The following OR56B2 variants were observed in gnomAD, a reference collection of about 807,000 sequenced individuals.
The protein encoded by OR56B2 is olfactory receptor 56B2.
At chr11:5,763,729 TTGAG>T in the OR56B2 span, among the ~76,000 whole-genome samples, 2 of 140,520 alleles carry the variant, frequency 1.4e-5, no homozygotes, top group Non-Finnish European at 3.1e-5. Context: ...ATAATATAAA[TTGAG>T]TGCTTATTAA....
the OR56B2 span, among the ~76,000 whole-genome samples, chr11:5,764,320 T>C: frequency 1.2e-4 from 17 of 141,264 alleles, 3 homozygotes; most frequent in African/African-American, 4.4e-4. Flanking sequence ...TGCATGTGCG[T>C]GCATGTTTTT....
At chr11:5,763,155 A>G in the OR56B2 span, among the ~76,000 whole-genome samples, 1 of 152,212 alleles carries the variant, frequency 6.6e-6, no homozygotes, top group Admixed American at 6.5e-5. Context: ...ATGTTTACAG[A>G]TGCATATGAA....
the OR56B2 span, among the ~76,000 whole-genome samples, chr11:5,768,456 T>A: frequency 7.1e-5 from 10 of 140,316 alleles, 1 homozygote; most frequent in Non-Finnish European, 1.1e-4. Flanking sequence ...ACATTTTTTT[T>A]ATCCAGTCAT....
the OR56B2 span, chr11:5,765,073 A>G: frequency 1.4e-5 from 2 of 141,988 alleles, 1 homozygote; most frequent in Admixed American, 1.5e-4. Flanking sequence ...TATTAGAAAT[A>G]CTAATATCAA....
At chr11:5,768,935 G>T in the OR56B2 span, among the ~76,000 whole-genome samples, 1 of 138,392 alleles carries the variant, frequency 7.2e-6, no homozygotes, top group Non-Finnish European at 1.6e-5. Context: ...AGTATATATA[G>T]AAATTGTATA....
At chr11:5,763,147 G>A in the OR56B2 span, among the ~76,000 whole-genome samples, 1 of 151,920 alleles carries the variant, frequency 6.6e-6, no homozygotes, top group East Asian at 1.9e-4. Context: ...GAATCAGTAT[G>A]TTTACAGATG....
At chr11:5,768,236 C>A in the OR56B2 span, among the ~76,000 whole-genome samples, 1 of 137,552 alleles carries the variant, frequency 7.3e-6, no homozygotes, top group East Asian at 2.1e-4. Flanking sequence ...GCCCATCCCC[C>A]AAATCTCCAA....
the OR56B2 span, among the ~76,000 whole-genome samples, chr11:5,768,954 A>G: frequency 7.2e-6 from 1 of 139,492 alleles, no homozygotes; most frequent in Non-Finnish European, 1.6e-5. Context: ...TATAAAAGAA[A>G]AAGTATCAGA....
chr11:5,764,623 A>G, the OR56B2 span, among the ~76,000 whole-genome samples: 2 of 140,182 alleles, frequency 1.4e-5, 1 homozygote, highest in South Asian at 4.6e-4. Context: ...ACGTGAACAA[A>G]AAATAGTTCA....
At chr11:5,764,340 G>A in the OR56B2 span, among the ~76,000 whole-genome samples, 4 of 140,484 alleles carry the variant, frequency 2.8e-5, no homozygotes, top group African/African-American at 5.2e-5. Context: ...TAACTTCTAC[G>A]CCAGTCATCA....
chr11:5,764,515 A>C, the OR56B2 span, among the ~76,000 whole-genome samples: 7 of 141,276 alleles, frequency 5.0e-5, 1 homozygote, highest in African/African-American at 1.8e-4. Context: ...GAATGCTTAC[A>C]CATCAATTAC....
chr11:5,766,555 C>CA, the OR56B2 span: 1 of 138,990 alleles, frequency 7.2e-6, no homozygotes, highest in Non-Finnish European at 1.6e-5. Context: ...TGCAAATGTC[C>CA]AAAAAATACA....
chr11:5,767,302 A>G, the OR56B2 span: 4 of 139,024 alleles, frequency 2.9e-5, 1 homozygote, highest in African/African-American at 1.1e-4. Context: ...CAAGTCATTC[A>G]TGAGGAATCC....
the OR56B2 span, among the ~76,000 whole-genome samples, chr11:5,763,531 C>T: frequency 1.4e-5 from 2 of 139,846 alleles, 1 homozygote; most frequent in Non-Finnish European, 3.2e-5. Flanking sequence ...CCAGGATGGT[C>T]TCAATCTCTT....
At chr11:5,768,279 TA>T in the OR56B2 span, among the ~76,000 whole-genome samples, 10,650 of 139,440 alleles carry the variant, frequency 0.076, 2,123 homozygotes, top group African/African-American at 0.1. Flanking sequence ...TGCCTATGTG[TA>T]CACATTAGGT....
chr11:5,766,848 A>C, the OR56B2 span: 4 of 140,120 alleles, frequency 2.9e-5, 1 homozygote, highest in African/African-American at 1.0e-4. Flanking sequence ...CAGTGCCATT[A>C]ACATATGACC....
the OR56B2 span, chr11:5,761,188 C>G: frequency 6.6e-6 from 1 of 152,156 alleles, no homozygotes; most frequent in South Asian, 2.1e-4. Context: ...TAAACCAGCT[C>G]TGGGTATACT....
the OR56B2 span, among the ~76,000 whole-genome samples, chr11:5,763,970 TAA>T: frequency 1.4e-5 from 2 of 140,694 alleles, 1 homozygote; most frequent in Non-Finnish European, 3.1e-5. Flanking sequence ...ACAAGTAGTA[TAA>T]GATGTTATTA....
the OR56B2 span, among the ~76,000 whole-genome samples, chr11:5,763,724 A>G: frequency 1.8e-3 from 258 of 140,954 alleles, 38 homozygotes; most frequent in African/African-American, 6.0e-3. Flanking sequence ...TTCACATAAT[A>G]TAAATTGAGT....
Sources: gnomAD v4.1 joint callset for allele counts (sites outside exome capture counted in the v4.1 genomes callset) on GRCh38, gnomAD v4.1.1 for gene constraint, MANE v1.5 for transcripts, NCBI Gene and HGNC (gene_info 2026-07-23, HGNC 2026-07-21) for gene names.